The following UBR4 variants were observed in gnomAD, a reference collection of about 807,000 sequenced individuals.
UBR4 encodes the protein E3 ubiquitin-protein ligase UBR4.
UBR4 carries 124 observed loss-of-function variants against 575.6 expected under a neutral mutation model. The ratio of observed to expected loss-of-function variants is 0.22; its 90% CI spans 0.19 to 0.25. UBR4 has a LOEUF of 0.25. UBR4 is among the 10% of genes least tolerant of loss of function. The pLI, the probability that UBR4 is intolerant of heterozygous loss-of-function variation, is 1.00. For missense variants in UBR4, 4,818 were observed against 6,478.8 expected, an observed-to-expected ratio of 0.74 and a Z score of 8.80; for synonymous variants, 2,455 against 2,473.7, an observed-to-expected ratio of 0.99 and a Z score of 0.22.
At chr1:19,120,128 G>A (rs1197885955) in intron 69 of UBR4, 52 bp downstream of exon 69, 12 of 1,590,312 alleles carry the variant, frequency 7.5e-6, no homozygotes, top group East Asian at 2.2e-5. Context: ...ACTGCATTAC[G>A]CACCCTGGCC....
chr1:19,169,552 CA>C lies in UBR4; in HGVS notation c.3644-21del. 1.2e-6 allele frequency: 2 copies of C among 1,604,056 alleles called. No homozygotes were observed. Among genetic ancestry groups the C allele is most frequent in the Non-Finnish European group, 1.7e-6 (2 of 1,174,556 alleles). On this transcript the variant is annotated intron_variant, in intron 26 of 105. Transcript: ENST00000375254. ...TCGGACCTGGAGGCGACAGAAAGGA[CA>C]AGGAATCATCACAAGAAAGAAGGAA...
intron 94 of UBR4, among the ~76,000 whole-genome samples, chr1:19,094,568 T>C (rs2077839326): frequency 6.6e-6 from 1 of 152,166 alleles, no homozygotes; most frequent in East Asian, 1.9e-4. Context: ...GCTGAGGAAA[T>C]GCCAAGTCCA....
At chr1:19,189,147 C>T (rs2091831292) in intron 11 of UBR4, among the ~76,000 whole-genome samples, 1 of 151,726 alleles carries the variant, frequency 6.6e-6, no homozygotes, top group Non-Finnish European at 1.5e-5. Flanking sequence ...GCATTCTCTC[C>T]TCTAAGACAA....
At chr1:19,108,083 A>G (rs1488197246) in intron 81 of UBR4, among the ~76,000 whole-genome samples, 4 of 152,204 alleles carry the variant, frequency 2.6e-5, no homozygotes, top group African/African-American at 7.2e-5. Flanking sequence ...AGGAAAGAAT[A>G]TTTTAATACC....
At position 19,179,247 on chromosome 1, in the gene UBR4, A is replaced by G. The variant is rs971059385; in HGVS notation, c.2185-27T>C. 5 of 1,520,954 alleles carry G rather than the reference A, an allele frequency of 3.3e-6. No homozygotes were observed. The African/African-American group carries it at 5.6e-5, about 17-fold the overall frequency. The allele number at this position is 1,520,954 out of a possible 1,614,324, so 94.2% of individuals were successfully genotyped here. A position where few individuals can be genotyped will look rare whatever the true frequency, so the allele number is the denominator to read the frequency against. On this transcript the variant is annotated intron_variant, in intron 17 of 105. Transcript: ENST00000375254. ...TGACAAGAAAGACATGGAACAGAAC[A>G]TTAGCAAACAGATACGGGATAAAGT... is the stretch of plus-strand genomic sequence containing the variant.
At chr1:19,190,900 T>G (rs1197926171) in intron 11 of UBR4, among the ~76,000 whole-genome samples, 4 of 152,178 alleles carry the variant, frequency 2.6e-5, no homozygotes, top group Non-Finnish European at 4.4e-5. Flanking sequence ...ATCTCTCCCT[T>G]GTTTAATCCT....
intron 25 of UBR4, among the ~76,000 whole-genome samples, chr1:19,172,382 T>G (rs1187901315): frequency 6.6e-6 from 1 of 152,060 alleles, no homozygotes; most frequent in Non-Finnish European, 1.5e-5. Flanking sequence ...CCAGGCACGG[T>G]GGTGCATGCC....
Position 19,119,653 on chromosome 1 carries a change from G to A in UBR4, c.10359C>T (p.Ser3453=), listed in dbSNP as rs1349265818. 1.2e-6 allele frequency: 2 copies of A among 1,613,962 alleles called. No homozygotes were observed. The highest frequency in any genetic ancestry group is 1.7e-6 in the Non-Finnish European group (2 of 1,179,848). The change falls in exon 70 of 106, where the codon TCC becomes TCT. Residue 3453 remains serine (S), a synonymous_variant. Transcript: ENST00000375254. ...CATAGGCTGGGAGTTCTGGCCAGAT[G>A]GACCACATCAGATCTAGCAGGAGCT... is the stretch of plus-strand genomic sequence containing the variant. ...QQELLLDLMW[S]IWPELPAYGR... is the part of the protein sequence containing the mutation.
chr1:19,076,976 G>A, intron 104 of UBR4, 74 bp from the exon 105 acceptor site: 1 of 1,488,110 alleles, frequency 6.7e-7, no homozygotes, highest in East Asian at 2.3e-5. Flanking sequence ...AGTCAGTCAG[G>A]CCATTTCAAC....
chr1:19,163,905 T>C, intron 33 of UBR4, 78 bp from the exon 34 acceptor site: 2 of 1,441,808 alleles, frequency 1.4e-6, no homozygotes, highest in Non-Finnish European at 2.0e-6. Flanking sequence ...GCATCTTCAT[T>C]AACTTTGAAT....
At chr1:19,138,398 C>G (rs1014595382) in intron 59 of UBR4, among the ~76,000 whole-genome samples, 1 of 152,140 alleles carries the variant, frequency 6.6e-6, no homozygotes, top group African/African-American at 2.4e-5. Flanking sequence ...ATGTAAGACC[C>G]ACCTATATGA....
chr1:19,131,600 G>T (rs1251839563), intron 60 of UBR4, among the ~76,000 whole-genome samples: 1 of 152,156 alleles, frequency 6.6e-6, no homozygotes, highest in Non-Finnish European at 1.5e-5. Flanking sequence ...TACACTGGGC[G>T]TGGTGGCTCA....
Position 19,170,898 on chromosome 1 carries a change from G to C in UBR4, c.3522-15C>G, listed in dbSNP as rs776494362. The C allele has an allele frequency of 2.1e-5, 34 of 1,612,826 alleles. No homozygotes were observed. Among genetic ancestry groups the C allele is most frequent in the Non-Finnish European group, 2.7e-5 (32 of 1,179,970 alleles). On this transcript the variant is annotated splice_polypyrimidine_tract_variant and intron_variant, in intron 25 of 105. Coordinates refer to ENST00000375254, the MANE Select transcript of UBR4 (RefSeq NM_020765.3). ...GCAAATAGGCTCTGGGGAAAAAACA[G>C]GGGGAAAGTGAAGCCATAAGATTCT...
intron 65 of UBR4, among the ~76,000 whole-genome samples, chr1:19,124,029 C>T (rs1378508187): frequency 2.6e-5 from 4 of 152,212 alleles, no homozygotes; most frequent in African/African-American, 9.7e-5. Context: ...GCAGTCCTAG[C>T]AACAGCCCTG....
chr1:19,076,955 C>T (rs1427158567), intron 104 of UBR4, 53 bp from the exon 105 acceptor site: 3 of 1,513,918 alleles, frequency 2.0e-6, no homozygotes, highest in Non-Finnish European at 2.7e-6. Context: ...GCTGCCTCAT[C>T]TTCCGCCTCA....
At chr1:19,082,462 C>A (rs1025065200) in intron 102 of UBR4, among the ~76,000 whole-genome samples, 10 of 152,210 alleles carry the variant, frequency 6.6e-5, no homozygotes, top group African/African-American at 2.4e-4. Flanking sequence ...GAAGCTTTGA[C>A]AAAAGGTCAC....
chr1:19,170,355 C>T (rs947060337), intron 26 of UBR4, among the ~76,000 whole-genome samples: 2 of 152,178 alleles, frequency 1.3e-5, no homozygotes, highest in African/African-American at 4.8e-5. Flanking sequence ...GCTGCGATAG[C>T]GCCACTGTAC....
intron 33 of UBR4, among the ~76,000 whole-genome samples, 161 bp from the exon 34 acceptor site, chr1:19,163,988 G>A (rs537195811): frequency 6.6e-6 from 1 of 152,224 alleles, no homozygotes; most frequent in African/African-American, 2.4e-5. Context: ...CATAGCTTGG[G>A]GTGCTCTGGC....
chr1:19,139,298 C>T lies in UBR4; in HGVS notation c.8594-78G>A. The T allele has an allele frequency of 6.7e-7, 1 of 1,499,804 alleles. No individual in the cohort carries two copies. Among genetic ancestry groups the T allele is most frequent in the East Asian group, 2.4e-5 (1 of 42,260 alleles). 92.9% of individuals were successfully genotyped at this position (1,499,804 alleles called of 1,614,324 possible). A position where few individuals can be genotyped will look rare whatever the true frequency, so the allele number is the denominator to read the frequency against. On this transcript the variant is annotated intron_variant, in intron 58 of 105. Transcript: ENST00000375254. The surrounding 1 kb of genome is among the most constrained non-coding windows in gnomAD (Gnocchi z 4.2). ...CAAACAAAAAACAAAAAAAACCCCT[C>T]CTTGGGATGAAAGCATCAAACCACA...
Sources: allele counts gnomAD v4.1 joint callset (sites outside exome capture counted in the v4.1 genomes callset), GRCh38; gene constraint gnomAD v4.1.1; non-coding constraint Gnocchi (gnomAD v3.1); transcripts MANE v1.5; gene names NCBI Gene and HGNC (gene_info 2026-07-23, HGNC 2026-07-21).